Variants in EXT2 observed in about 807,000 individuals in gnomAD.
The protein encoded by EXT2 is exostosin-2.
In EXT2, 53 loss-of-function variants were observed where a neutral mutation model predicts 81.6. The observed-to-expected ratio is 0.65, with a 90% CI of 0.52 to 0.82. EXT2 has a LOEUF of 0.82. Among genes scored for constraint, EXT2 ranks in the 40% least tolerant of loss-of-function variants. The pLI is 0.00. For missense variants in EXT2, 774 were observed against 910.2 expected (o/e 0.85, Z 1.93); for synonymous variants, 320 against 340.0 (o/e 0.94, Z 0.65).
intron 7 of EXT2, among the ~76,000 whole-genome samples, chr11:44,155,945 C>A (rs192675011): frequency 6.6e-6 from 1 of 152,192 alleles, no homozygotes; most frequent in Admixed American, 6.5e-5. Flanking sequence ...ATCCCTCAGC[C>A]TTTGTTTGTC....
In EXT2 at chr11:44,205,850, T is replaced by A. The variant is rs77008811; in HGVS notation, c.1496-943T>A. On this transcript the variant is annotated intron_variant, in intron 9 of 13. Transcript: ENST00000533608. The stretch of plus-strand genomic sequence containing the variant: ...TGATACCTAGCTTTCCTATTCTCAT[T>A]TGACAAATGTGTAAAGAACAAACTG... 1.7e-4 allele frequency among the ~76,000 whole-genome samples: 26 copies of A among 152,302 alleles called. No homozygotes were observed. In the East Asian group the frequency reaches 4.6e-3, roughly 27 times the overall value.
At chr11:44,127,474 A>G (rs1158306238) in intron 6 of EXT2, among the ~76,000 whole-genome samples, 1 of 152,184 alleles carries the variant, frequency 6.6e-6, no homozygotes. Flanking sequence ...CAAGGGATCT[A>G]GGTTGCGCTC....
chr11:44,242,237 T>C (rs536999470), intron 13 of EXT2, among the ~76,000 whole-genome samples: 1 of 152,322 alleles, frequency 6.6e-6, no homozygotes, highest in East Asian at 1.9e-4. Flanking sequence ...TCTGGACATA[T>C]TTACAGGCGG....
At chr11:44,210,976 C>T (rs1955640807) in intron 10 of EXT2, among the ~76,000 whole-genome samples, 1 of 152,186 alleles carries the variant, frequency 6.6e-6, no homozygotes, top group Non-Finnish European at 1.5e-5. Context: ...AATGGAAACA[C>T]ATCAGACCTG....
intron 10 of EXT2, among the ~76,000 whole-genome samples, chr11:44,223,902 C>T (rs950885764): frequency 2.0e-5 from 3 of 152,132 alleles, no homozygotes; most frequent in East Asian, 1.9e-4. Flanking sequence ...CCACCCGCCT[C>T]GGCCTTCCAA....
chr11:44,249,686 T>C lies in EXT2; in HGVS notation c.*5399T>C, dbSNP rs1956124217. Among the ~76,000 whole-genome samples, 1 of 152,244 alleles carries C rather than the reference T, an allele frequency of 6.6e-6. No homozygotes were observed. The highest frequency in any genetic ancestry group is 2.4e-5 in the African/African-American group (1 of 41,470). Reference sequence around the variant, plus strand: ...CATTTGGTTTTCTGGTGAGCACAGCTGAAGACCAACCAACTAGTTACTGAT... The same window carrying C: ...CATTTGGTTTTCTGGTGAGCACAGCCGAAGACCAACCAACTAGTTACTGAT... On this transcript the variant is annotated 3_prime_UTR_variant, in exon 14 of 14. Transcript: ENST00000533608.
At chr11:44,109,905 G>A (rs2134973687) in intron 3 of EXT2, among the ~76,000 whole-genome samples, 1 of 152,252 alleles carries the variant, frequency 6.6e-6, no homozygotes, top group East Asian at 1.9e-4. Flanking sequence ...TTTCATCACT[G>A]ACTGAAAGAT....
At chr11:44,097,547 T>C (rs2134937177) in intron 1 of EXT2, among the ~76,000 whole-genome samples, 1 of 152,190 alleles carries the variant, frequency 6.6e-6, no homozygotes, top group African/African-American at 2.4e-5. Flanking sequence ...CCCAACACTT[T>C]GGGAGGCCGA....
rs892633950 is a variant in EXT2, at chr11:44,245,224, A to G, written c.*937A>G. ...AACAGAGGGTCTGTACTAGCCATGC[A>G]AGGAGTCGCTCTAGCTGGTACCCGT... On this transcript the variant is annotated 3_prime_UTR_variant, in exon 14 of 14. Coordinates refer to ENST00000533608, the MANE Select transcript of EXT2 (RefSeq NM_207122.2). 1.3e-5 allele frequency: 3 copies of G among 227,866 alleles called. No homozygotes were observed. Among genetic ancestry groups the G allele is most frequent in the African/African-American group, 6.7e-5 (3 of 44,976 alleles). The allele number at this position is 227,866 out of a possible 1,614,324, so 14.1% of individuals were successfully genotyped here. A position where few individuals can be genotyped will look rare whatever the true frequency, so the allele number is the denominator to read the frequency against.
chr11:44,141,329 G>A (rs1457602941), intron 7 of EXT2, among the ~76,000 whole-genome samples: 4 of 152,014 alleles, frequency 2.6e-5, no homozygotes, highest in Admixed American at 2.6e-4. Context: ...GAATATTTTT[G>A]ATCTGTGATT....
rs1953890509 is a variant in EXT2 at position 44,096,083 on chromosome 11, G to A, written c.-31+231G>A. ...CTCCTGCTTCTCCTTCTCCTCCGGC[G>A]GCGGCCGCGCTTTCAGCATCTTGGT... On this transcript the variant is annotated intron_variant, in intron 1 of 13. Coordinates refer to ENST00000533608, the MANE Select transcript of EXT2 (RefSeq NM_207122.2). 3 of 694,158 alleles carry A rather than the reference G, an allele frequency of 4.3e-6. No homozygotes were observed. The Admixed American group carries it at 6.1e-5, about 14-fold the overall frequency. 43.0% of individuals were successfully genotyped at this position (694,158 alleles called of 1,614,324 possible).
chr11:44,162,218 A>T (rs1954936526), intron 7 of EXT2, among the ~76,000 whole-genome samples: 1 of 152,208 alleles, frequency 6.6e-6, no homozygotes, highest in African/African-American at 2.4e-5. Context: ...GATATTTGAG[A>T]ACTCTCTGGC....
At chr11:44,180,890 T>C (rs949311776) in intron 8 of EXT2, among the ~76,000 whole-genome samples, 1 of 152,004 alleles carries the variant, frequency 6.6e-6, no homozygotes, top group Non-Finnish European at 1.5e-5. Context: ...TCACCTGAGG[T>C]CAGGAGTTCA....
chr11:44,119,139 T>TACAC (rs1555004255), intron 4 of EXT2, among the ~76,000 whole-genome samples: 6 of 24,646 alleles, frequency 2.4e-4, no homozygotes, highest in African/African-American at 7.5e-4. Flanking sequence ...TATATATATA[T>TACAC]ATATATATAT....
Position 44,251,301 on chromosome 11 carries a change from G to A in EXT2, c.*7014G>A, listed in dbSNP as rs1328300620. Among the ~76,000 whole-genome samples, 1 of 152,082 alleles carries A rather than the reference G, an allele frequency of 6.6e-6. No individual in the cohort carries two copies. Among genetic ancestry groups the A allele is most frequent in the Non-Finnish European group, 1.5e-5 (1 of 68,036 alleles). ...AGATTGATGCTCTTTCAACTCTCAT[G>A]TCATCTATACCATCTCAGTGGAGAG... On this transcript the variant is annotated 3_prime_UTR_variant, in exon 14 of 14. Transcript: ENST00000533608.
chr11:44,194,195 G>T (rs180880840), intron 8 of EXT2, among the ~76,000 whole-genome samples: 1 of 152,166 alleles, frequency 6.6e-6, no homozygotes. Flanking sequence ...ACCTCATTCT[G>T]TTGGAGTTTT....
In EXT2 at chr11:44,245,863, G is replaced by A. The variant is rs1044210957; in HGVS notation, c.*1576G>A. ...GAATCATGGACTATTATTGCCAAAG[G>A]GGGCAAGCGATCATCTCATCCAGTT... On this transcript the variant is annotated 3_prime_UTR_variant, in exon 14 of 14. Transcript: ENST00000533608. Among the ~76,000 whole-genome samples the A allele has an allele frequency of 6.6e-6, 1 of 152,202 alleles. No individual in the cohort carries two copies. Among genetic ancestry groups the A allele is most frequent in the African/African-American group, 2.4e-5 (1 of 41,444 alleles).
intron 10 of EXT2, among the ~76,000 whole-genome samples, chr11:44,214,932 G>A (rs1955699429): frequency 6.6e-6 from 1 of 151,702 alleles, no homozygotes; most frequent in Non-Finnish European, 1.5e-5. Flanking sequence ...TTTTGGCGGG[G>A]GGTGGGGGCG....
intron 8 of EXT2, among the ~76,000 whole-genome samples, chr11:44,185,172 G>GC (rs1389063657): frequency 6.6e-6 from 1 of 152,160 alleles, no homozygotes; most frequent in Non-Finnish European, 1.5e-5. Context: ...TACTTCCTGT[G>GC]CCCAAAACCA....
Sources: allele counts gnomAD v4.1 joint callset (sites outside exome capture counted in the v4.1 genomes callset), GRCh38; gene constraint gnomAD v4.1.1; transcripts MANE v1.5; gene names NCBI Gene and HGNC (gene_info 2026-07-23, HGNC 2026-07-21).